Variants in SLC7A7 observed in about 807,000 individuals in gnomAD.
The protein encoded by SLC7A7 is solute carrier family 7 member 7, also known as Y+L amino acid transporter 1.
SLC7A7 carries 39 observed loss-of-function variants against 47.9 expected under a neutral mutation model. That is an observed-to-expected ratio of 0.81 (90% CI 0.63 to 1.06). SLC7A7 has a LOEUF of 1.06. Among genes scored for constraint, SLC7A7 ranks in the 50% least tolerant of loss-of-function variants. SLC7A7 has a pLI of 0.00. For synonymous variants in SLC7A7, 234 were observed against 242.8 expected (o/e 0.96, Z 0.34); for missense variants, 588 against 632.0 (o/e 0.93, Z 0.75).
upstream of SLC7A7, chr14:22,815,623 G>T (rs961900578): frequency 2.2e-6 from 1 of 453,948 alleles, no homozygotes; most frequent in African/African-American, 2.0e-5. Flanking sequence ...TGATAAGAAG[G>T]TGCTCTCTCA....
intron 2 of SLC7A7, among the ~76,000 whole-genome samples, chr14:22,796,230 G>C (rs1241951876): frequency 6.6e-6 from 1 of 152,130 alleles, no homozygotes; most frequent in Non-Finnish European, 1.5e-5. Flanking sequence ...CACCTCATTA[G>C]CCACAAGTAC....
rs200420079 is a variant in SLC7A7, at chr14:22,779,916, T to C, written c.625+10A>G. ...AAAAAAGATTAGTTGCTACTAATATTATTTCTTACCCTGGCCAAGTCTAAC... is the reference window on the plus strand; with the variant it reads ...AAAAAAGATTAGTTGCTACTAATATCATTTCTTACCCTGGCCAAGTCTAAC... On this transcript the variant is annotated intron_variant, in intron 3 of 9. Transcript: ENST00000674313. 2.7e-5 allele frequency: 44 copies of C among 1,613,888 alleles called. No individual in the cohort carries two copies. Among genetic ancestry groups the C allele is most frequent in the African/African-American group, 8.0e-5 (6 of 74,906 alleles).
intron 2 of SLC7A7, among the ~76,000 whole-genome samples, chr14:22,798,025 G>A (rs2039047602): frequency 6.6e-6 from 1 of 152,222 alleles, no homozygotes; most frequent in Non-Finnish European, 1.5e-5. Context: ...GCTGGGCACG[G>A]TGGCTCATGC....
At chr14:22,786,834 G>A (rs1018162644) in intron 2 of SLC7A7, among the ~76,000 whole-genome samples, 2 of 152,164 alleles carry the variant, frequency 1.3e-5, no homozygotes, top group Admixed American at 1.3e-4. Context: ...TACTTGGGAG[G>A]TTGAGGCAGG....
intron 1 of SLC7A7, among the ~76,000 whole-genome samples, chr14:22,814,219 C>T (rs529247852): frequency 6.6e-6 from 1 of 151,824 alleles, no homozygotes; most frequent in African/African-American, 2.4e-5. Context: ...CGCTGTGGCT[C>T]ACATCTGTAA....
At chr14:22,801,328 G>C (rs2039109359) in intron 2 of SLC7A7, among the ~76,000 whole-genome samples, 1 of 152,054 alleles carries the variant, frequency 6.6e-6, no homozygotes, top group African/African-American at 2.4e-5. Flanking sequence ...TGTTCTTGCT[G>C]CTTGGAACAC....
intron 8 of SLC7A7, 99 bp downstream of exon 8, chr14:22,774,255 C>A (rs934031659): frequency 1.2e-6 from 2 of 1,602,744 alleles, no homozygotes; most frequent in Non-Finnish European, 1.7e-6. Context: ...CGACCAAGTC[C>A]CAGGCAAAGG....
At chr14:22,791,132 T>G (rs2038917533) in intron 2 of SLC7A7, among the ~76,000 whole-genome samples, 1 of 152,202 alleles carries the variant, frequency 6.6e-6, no homozygotes, top group African/African-American at 2.4e-5. Flanking sequence ...CCTCTCTGCC[T>G]TTATTCTCTG....
At chr14:22,788,652 C>T (rs1194106676) in intron 2 of SLC7A7, among the ~76,000 whole-genome samples, 1 of 149,472 alleles carries the variant, frequency 6.7e-6, no homozygotes, top group Non-Finnish European at 1.5e-5. Flanking sequence ...TGCAGTGAGC[C>T]AAGATCCTAC....
chr14:22,788,036 G>A (rs935864992), intron 2 of SLC7A7, among the ~76,000 whole-genome samples: 6 of 151,588 alleles, frequency 4.0e-5, no homozygotes, highest in Non-Finnish European at 7.4e-5. Flanking sequence ...TCGCGCCACC[G>A]CACTCCAGCC....
At chr14:22,774,307 ACTC>A (rs1357298555) in intron 8 of SLC7A7, 44 bp downstream of exon 8, 2 of 1,612,900 alleles carry the variant, frequency 1.2e-6, no homozygotes, top group Non-Finnish European at 1.7e-6. Context: ...TGTAGCAACA[ACTC>A]CAGCTGTTTC....
At chr14:22,781,269 G>C (rs1303921797) in intron 2 of SLC7A7, among the ~76,000 whole-genome samples, 1 of 152,114 alleles carries the variant, frequency 6.6e-6, no homozygotes, top group Admixed American at 6.5e-5. Context: ...CAGTGGTGTG[G>C]CCTTGGTGTC....
chr14:22,800,989 C>A (rs192596891), intron 2 of SLC7A7, among the ~76,000 whole-genome samples: 2 of 152,036 alleles, frequency 1.3e-5, no homozygotes, highest in African/African-American at 4.8e-5. Context: ...CCTCAGCAAC[C>A]GTTTTTCCAG....
At chr14:22,774,639 T>C in intron 7 of SLC7A7, 136 bp from the exon 8 acceptor site, 1 of 1,126,756 alleles carries the variant, frequency 8.9e-7, no homozygotes, top group Non-Finnish European at 1.3e-6. Flanking sequence ...TTAATCCCTT[T>C]AACACCCTAG....
At chr14:22,800,324 G>A (rs1433068130) in intron 2 of SLC7A7, among the ~76,000 whole-genome samples, 1 of 152,060 alleles carries the variant, frequency 6.6e-6, no homozygotes, top group African/African-American at 2.4e-5. Context: ...ATGCCTCAAC[G>A]TCTCCCATCC....
intron 2 of SLC7A7, among the ~76,000 whole-genome samples, chr14:22,782,913 C>T (rs1327556600): frequency 2.6e-5 from 4 of 151,774 alleles, no homozygotes; most frequent in Admixed American, 6.6e-5. Context: ...AAGGTGTGCA[C>T]CACCATGCCC....
upstream of SLC7A7, among the ~76,000 whole-genome samples, chr14:22,817,942 C>G (rs1393608896): frequency 2.0e-5 from 3 of 152,080 alleles, no homozygotes; most frequent in Admixed American, 2.0e-4. Flanking sequence ...CCTCCCCTTT[C>G]TCATTCTTTG....
intron 2 of SLC7A7, among the ~76,000 whole-genome samples, chr14:22,786,765 C>G (rs532444032): frequency 3.9e-5 from 6 of 152,162 alleles, no homozygotes; most frequent in African/African-American, 1.4e-4. Flanking sequence ...GAGAACACAT[C>G]TCCACAAAAC....
In SLC7A7 at chr14:22,779,986, A is replaced by C. The variant is rs1465140057; in HGVS notation, c.565T>G (p.Tyr189Asp). The change falls in exon 3 of 10, where the codon TAT becomes GAT. Residue 189 changes from tyrosine to aspartate, a missense_variant. Transcript: ENST00000674313. ...WGTLVQDIFT[Y>D]AKVLALIAVI... ...GCGATCAGTGCCAATACTTTAGCAT[A>C]GGTGAAAATATCTTGTACCAGGGTT... is the stretch of plus-strand genomic sequence containing the variant. The C allele has an allele frequency of 1.2e-6, 2 of 1,614,054 alleles. No homozygotes were observed. The highest frequency in any genetic ancestry group is 1.7e-6 in the Non-Finnish European group (2 of 1,180,028).
Sources: allele counts gnomAD v4.1 joint callset (sites outside exome capture counted in the v4.1 genomes callset), GRCh38; gene constraint gnomAD v4.1.1; transcripts MANE v1.5; gene names NCBI Gene and HGNC (gene_info 2026-07-23, HGNC 2026-07-21).